The following LOXHD1 variants were observed in gnomAD, a reference collection of about 807,000 sequenced individuals.
LOXHD1 encodes the protein lipoxygenase homology domain-containing protein 1.
A neutral mutation model predicts 248.2 loss-of-function variants in LOXHD1; 205 were observed. That is an observed-to-expected ratio of 0.83 (90% CI 0.74 to 0.93). The LOEUF (loss-of-function observed/expected upper bound fraction) is 0.93. LOXHD1 is among the 40% of genes least tolerant of loss of function. LOXHD1 has a pLI of 0.00. For missense variants in LOXHD1, 2,930 were observed against 2,971.6 expected (o/e 0.99, Z 0.33); for synonymous variants, 1,113 against 1,162.8 (o/e 0.96, Z 0.87).
At chr18:46,563,476 T>C (rs1168389710) in intron 17 of LOXHD1, among the ~76,000 whole-genome samples, 2 of 152,026 alleles carry the variant, frequency 1.3e-5, no homozygotes, top group Non-Finnish European at 2.9e-5. Flanking sequence ...ACCCCAGTCA[T>C]CCTCTGCACC....
intron 1 of LOXHD1, 25 bp from the exon 2 acceptor site, chr18:46,649,294 A>G: frequency 2.6e-6 from 4 of 1,535,788 alleles, no homozygotes; most frequent in Non-Finnish European, 3.5e-6. Flanking sequence ...GAGGAGACAG[A>G]TTGCAGGCTC....
rs1813172086 is a variant in LOXHD1, at chr18:46,657,116, A to G, written c.-83T>C. On this transcript the variant is annotated 5_prime_UTR_variant, in exon 1 of 41. Coordinates refer to ENST00000642948, the MANE Select transcript of LOXHD1 (RefSeq NM_001384474.1). The stretch of plus-strand genomic sequence containing the variant: ...GCGGGAACCTGAGACCTCCTCCCTG[A>G]GCTCTGGCGCCCACGGCCCTCCTAT... 6.5e-7 allele frequency: 1 copy of G among 1,546,648 alleles called. No homozygotes were observed. Among genetic ancestry groups the G allele is most frequent in the African/African-American group, 1.4e-5 (1 of 72,912 alleles).
At chr18:46,502,696 C>T (rs954515373) in intron 37 of LOXHD1, among the ~76,000 whole-genome samples, 15 of 152,168 alleles carry the variant, frequency 9.9e-5, no homozygotes, top group Non-Finnish European at 1.9e-4. Flanking sequence ...TGGTCCTTAA[C>T]ACAGCATCCT....
intron 28 of LOXHD1, among the ~76,000 whole-genome samples, chr18:46,529,786 G>A (rs1243503176): frequency 6.6e-6 from 1 of 151,984 alleles, no homozygotes; most frequent in Non-Finnish European, 1.5e-5. Context: ...AAAATATTTT[G>A]TAAAGAACAG....
intron 28 of LOXHD1, 81 bp downstream of exon 28, chr18:46,533,081 G>A: frequency 6.9e-7 from 1 of 1,453,456 alleles, no homozygotes; most frequent in Non-Finnish European, 9.3e-7. Flanking sequence ...AAGAGGCTTA[G>A]CCTGGCACAG....
At chr18:46,518,015 AG>A in intron 34 of LOXHD1, 113 bp downstream of exon 34, 1 of 1,290,554 alleles carries the variant, frequency 7.7e-7, no homozygotes, top group East Asian at 2.5e-5. Flanking sequence ...AGAGGAAGGA[AG>A]GCCTCATGGT....
chr18:46,631,277 A>G (rs1319487206), intron 4 of LOXHD1, among the ~76,000 whole-genome samples: 3 of 152,136 alleles, frequency 2.0e-5, no homozygotes, highest in African/African-American at 7.2e-5. Context: ...TTTCTTGGCA[A>G]TGTATCCATC....
At chr18:46,622,389 A>G (rs1018843800) in intron 4 of LOXHD1, among the ~76,000 whole-genome samples, 1 of 152,244 alleles carries the variant, frequency 6.6e-6, no homozygotes, top group African/African-American at 2.4e-5. Context: ...CTTTTTAAAA[A>G]AATTCTTTTC....
At chr18:46,633,761 A>G (rs188046973) in intron 4 of LOXHD1, among the ~76,000 whole-genome samples, 58 of 152,372 alleles carry the variant, frequency 3.8e-4, no homozygotes, top group South Asian at 2.7e-3. Flanking sequence ...ACAGAGGTCT[A>G]CAATTCAACA....
intron 4 of LOXHD1, among the ~76,000 whole-genome samples, chr18:46,636,415 A>G (rs890411244): frequency 6.6e-6 from 1 of 152,168 alleles, no homozygotes; most frequent in Non-Finnish European, 1.5e-5. Flanking sequence ...CAAGATTCCC[A>G]TTAGAGGAAC....
chr18:46,560,020 G>T (rs964496895), intron 19 of LOXHD1, 63 bp downstream of exon 19: 26 of 1,497,392 alleles, frequency 1.7e-5, no homozygotes, highest in East Asian at 7.4e-5. Context: ...CCCCCAGTGG[G>T]CCCCCTTTAG....
chr18:46,562,960 C>T (rs562057767), intron 18 of LOXHD1, 105 bp downstream of exon 18: 41 of 1,325,212 alleles, frequency 3.1e-5, no homozygotes, highest in Non-Finnish European at 4.1e-5. Context: ...AGGGAGGCAG[C>T]CCATTCTCGG....
rs375333576 is a variant in LOXHD1 at position 46,548,975 on chromosome 18, G to C, written c.3351-1917C>G. On this transcript the variant is annotated intron_variant, in intron 21 of 40. Coordinates refer to ENST00000642948, the MANE Select transcript of LOXHD1 (RefSeq NM_001384474.1). ...CGTCTCCTCTCAGAACCTGCTCCTTGTACCGACAGAACCAAAGCAGGAGTC... is the reference window on the plus strand; with the variant it reads ...CGTCTCCTCTCAGAACCTGCTCCTTCTACCGACAGAACCAAAGCAGGAGTC... Among the ~76,000 whole-genome samples the C allele has an allele frequency of 1.2e-4, 18 of 152,262 alleles. No homozygotes were observed. The East Asian group carries it at 3.1e-3, about 26-fold the overall frequency.
intron 37 of LOXHD1, among the ~76,000 whole-genome samples, chr18:46,491,689 A>G (rs374687321): frequency 1.2e-3 from 189 of 152,324 alleles, no homozygotes; most frequent in African/African-American, 4.4e-3. Context: ...TCTACCCTAC[A>G]CAGTTTTCAC....
intron 4 of LOXHD1, among the ~76,000 whole-genome samples, chr18:46,630,969 G>C (rs2038812952): frequency 6.6e-6 from 1 of 152,162 alleles, no homozygotes; most frequent in Non-Finnish European, 1.5e-5. Flanking sequence ...ACCAAAGTGT[G>C]AGGCTAGGAC....
intron 16 of LOXHD1, 57 bp from the exon 17 acceptor site, chr18:46,566,506 T>C (rs1599011243): frequency 1.4e-6 from 2 of 1,448,276 alleles, no homozygotes; most frequent in East Asian, 5.0e-5. Flanking sequence ...ACCTCCATGA[T>C]CCCATCCCTA....
intron 37 of LOXHD1, among the ~76,000 whole-genome samples, chr18:46,494,553 A>T (rs1439660640): frequency 7.2e-5 from 11 of 152,206 alleles, no homozygotes; most frequent in Admixed American, 7.2e-4. Context: ...GAATCTAGCT[A>T]TTATTTTTCC....
chr18:46,613,699 T>C (rs2038542007), intron 5 of LOXHD1, among the ~76,000 whole-genome samples: 1 of 152,202 alleles, frequency 6.6e-6, no homozygotes, highest in Non-Finnish European at 1.5e-5. Flanking sequence ...TTTTGGTAGA[T>C]AGCCTTATAT....
chr18:46,540,173 G>A (rs1260480103), intron 25 of LOXHD1, among the ~76,000 whole-genome samples: 1 of 152,160 alleles, frequency 6.6e-6, no homozygotes, highest in Non-Finnish European at 1.5e-5. Flanking sequence ...GAAGTAACTT[G>A]CCCAAAGTCA....
Sources: allele counts gnomAD v4.1 joint callset (sites outside exome capture counted in the v4.1 genomes callset), GRCh38; gene constraint gnomAD v4.1.1; transcripts MANE v1.5; gene names NCBI Gene and HGNC (gene_info 2026-07-23, HGNC 2026-07-21).